Variants in PCDHA1 observed in about 807,000 individuals in gnomAD.
PCDHA1 encodes the protein protocadherin alpha 1.
A neutral mutation model predicts 61.3 loss-of-function variants in PCDHA1; 42 were observed. The ratio of observed to expected loss-of-function variants is 0.69; its 90% confidence interval spans 0.54 to 0.89. The LOEUF (loss-of-function observed/expected upper bound fraction) is 0.89. PCDHA1 is among the 40% of genes least tolerant of loss of function. PCDHA1 has a pLI of 0.00. For missense variants in PCDHA1, 1,256 were observed against 1,235.3 expected (o/e 1.02, Z -0.25); for synonymous variants, 610 against 553.8 (o/e 1.10, Z -1.43).
At chr5:140,892,623 C>T (rs2153438758) in intron 1 of PCDHA1, among the ~76,000 whole-genome samples, 1 of 152,114 alleles carries the variant, frequency 6.6e-6, no homozygotes, top group East Asian at 1.9e-4. Flanking sequence ...CCAGTTGGTA[C>T]ATAATAATTG....
chr5:140,797,446 A>T (rs183641281), intron 1 of PCDHA1: 1 of 1,337,564 alleles, frequency 7.5e-7, no homozygotes, highest in Non-Finnish European at 1.0e-6. Context: ...ATAGTTCTTC[A>T]TTTATTTTAT....
At chr5:140,839,689 T>C (rs1776365065) in intron 1 of PCDHA1, among the ~76,000 whole-genome samples, 1 of 152,086 alleles carries the variant, frequency 6.6e-6, no homozygotes, top group East Asian at 1.9e-4. Context: ...GAGATTTTTT[T>C]GGGTAAATAA....
At chr5:140,820,068 T>C (rs1554127785) in intron 1 of PCDHA1, among the ~76,000 whole-genome samples, 1 of 152,036 alleles carries the variant, frequency 6.6e-6, no homozygotes, top group African/African-American at 2.4e-5. Context: ...GTGGCTAACA[T>C]CAGCTAATGC....
chr5:140,978,989 T>G lies in PCDHA1; in HGVS notation c.2435T>G (p.Leu812Arg). 1 of 1,614,212 alleles carries G rather than the reference T, an allele frequency of 6.2e-7. No individual in the cohort carries two copies. Among genetic ancestry groups the G allele is most frequent in the Non-Finnish European group, 8.5e-7 (1 of 1,180,034 alleles). Residue 812 changes from leucine to arginine, a missense_variant, in exon 2 of 4, where the codon CTG (leucine) becomes CGG (arginine). Transcript: ENST00000504120. Reference protein sequence around the residue: ...PNPDWRYSASLRAGMHSSVHL... With the variant: ...PNPDWRYSASRRAGMHSSVHL... ...CCTGACTGGCGTTACTCTGCCTCCC[T>G]GAGAGCAGGCATGCACAGGTATGTA...
chr5:140,860,639 G>A (rs2046488038), intron 1 of PCDHA1: 1 of 152,224 alleles, frequency 6.6e-6, no homozygotes, highest in Non-Finnish European at 1.5e-5. Flanking sequence ...AATCAGGAAC[G>A]AAGAAGATAA....
At chr5:140,791,721 A>C (rs1485268149) in intron 1 of PCDHA1, among the ~76,000 whole-genome samples, 1 of 152,220 alleles carries the variant, frequency 6.6e-6, no homozygotes, top group Non-Finnish European at 1.5e-5. Flanking sequence ...TCTTTTTCTT[A>C]AATATAAAAG....
chr5:140,794,067 A>G (rs1255298425), intron 1 of PCDHA1, among the ~76,000 whole-genome samples: 1 of 152,232 alleles, frequency 6.6e-6, no homozygotes, highest in Non-Finnish European at 1.5e-5. Flanking sequence ...ATGCACACCC[A>G]TGTTCATGGC....
At chr5:141,005,868 G>T (rs1428789229) in intron 3 of PCDHA1, among the ~76,000 whole-genome samples, 1 of 152,078 alleles carries the variant, frequency 6.6e-6, no homozygotes, top group African/African-American at 2.4e-5. Flanking sequence ...GGTCGATTGA[G>T]TCCAGGAGTT....
In PCDHA1 at chr5:140,787,926, G is replaced by A; in HGVS notation, c.1636G>A (p.Gly546Ser). ...SARDAGVPPL[G>S]SNVTLQVFVL... ...GCGGGATGCGGGCGTGCCGCCTCTG[G>A]GCAGCAACGTGACGCTGCAGGTGTT... is the stretch of plus-strand genomic sequence containing the variant. Residue 546 changes from glycine (G) to serine (S), a missense_variant, in exon 1 of 4, where the codon GGC becomes AGC. Gly to Ser is a moderately conservative substitution (Grantham distance 56). Transcript: ENST00000504120. 2 of 1,613,804 alleles carry A rather than the reference G, an allele frequency of 1.2e-6. No homozygotes were observed. Among genetic ancestry groups the A allele is most frequent in the Admixed American group, 1.7e-5 (1 of 60,012 alleles).
At chr5:140,876,015 A>G (rs1479938988) in intron 1 of PCDHA1, 3 of 1,613,662 alleles carry the variant, frequency 1.9e-6, no homozygotes, top group Non-Finnish European at 2.5e-6. Flanking sequence ...TTGAGCTTAA[A>G]ATAAAAACAA....
At chr5:140,932,323 C>T (rs1259103502) in intron 1 of PCDHA1, among the ~76,000 whole-genome samples, 1 of 151,814 alleles carries the variant, frequency 6.6e-6, no homozygotes, top group Non-Finnish European at 1.5e-5. Flanking sequence ...ATTAATGTAG[C>T]AAAAATGCAT....
rs2150468826 is a variant in PCDHA1, at chr5:140,850,123, C to G, written c.2394+61439C>G. ...GTGAGCGCGCGCGACGCGGGCGTGCCGCCTCTGGGCAGCAACGTGACGCTG... is the reference window on the plus strand; with the variant it reads ...GTGAGCGCGCGCGACGCGGGCGTGCGGCCTCTGGGCAGCAACGTGACGCTG... On this transcript the variant is annotated intron_variant, in intron 1 of 3. Coordinates refer to ENST00000504120, the MANE Select transcript of PCDHA1 (RefSeq NM_018900.4). The G allele has an allele frequency of 1.3e-5, 21 of 1,595,804 alleles. 4 individuals carry two copies. The highest frequency in any genetic ancestry group is 2.7e-5 in the African/African-American group (2 of 74,358).
At chr5:140,910,116 A>C (rs1205054200) in intron 1 of PCDHA1, among the ~76,000 whole-genome samples, 1 of 152,222 alleles carries the variant, frequency 6.6e-6, no homozygotes, top group Non-Finnish European at 1.5e-5. Flanking sequence ...AAGGGATTCT[A>C]GGTCTGTAAA....
intron 1 of PCDHA1, among the ~76,000 whole-genome samples, chr5:140,903,538 C>G (rs562932214): frequency 7.9e-5 from 12 of 152,208 alleles, no homozygotes; most frequent in African/African-American, 2.6e-4. Context: ...TAAACTAGAG[C>G]AAGAAACTTT....
chr5:140,794,946 A>G (rs371839761), intron 1 of PCDHA1: 1 of 1,590,330 alleles, frequency 6.3e-7, no homozygotes, highest in Non-Finnish European at 8.5e-7. Context: ...TAATTTGATC[A>G]AAACATTGAG....
rs149656802 is a variant in PCDHA1, at chr5:141,008,452, C to T, written c.2543-1175C>T. ...TTTGCCCAGACAGACCATTACCCTTCCTCTCCAGCTCTGACTTCTACTCTT... is the reference window on the plus strand; with the variant it reads ...TTTGCCCAGACAGACCATTACCCTTTCTCTCCAGCTCTGACTTCTACTCTT... On this transcript the variant is annotated intron_variant, in intron 3 of 3. Coordinates refer to ENST00000504120, the MANE Select transcript of PCDHA1 (RefSeq NM_018900.4). Among the ~76,000 whole-genome samples, 286 of 152,284 alleles carry T rather than the reference C, an allele frequency of 1.9e-3. 2 individuals carry two copies. Among genetic ancestry groups the T allele is most frequent in the African/African-American group, 6.5e-3 (272 of 41,548 alleles).
chr5:141,005,990 A>G (rs1375805001), intron 3 of PCDHA1, among the ~76,000 whole-genome samples: 6 of 151,998 alleles, frequency 3.9e-5, no homozygotes, highest in Admixed American at 3.9e-4. Flanking sequence ...GTGTTTGAGG[A>G]TCTGAAAGAA....
intron 1 of PCDHA1, chr5:140,796,135 C>G: frequency 6.2e-7 from 1 of 1,614,222 alleles, no homozygotes; most frequent in Non-Finnish European, 8.5e-7. Flanking sequence ...CTCCCTGACG[C>G]CCCACGTCCC....
At chr5:140,931,183 T>C (rs1225985669) in intron 1 of PCDHA1, among the ~76,000 whole-genome samples, 2 of 152,158 alleles carry the variant, frequency 1.3e-5, no homozygotes, top group Non-Finnish European at 2.9e-5. Context: ...GGGAAGGAAA[T>C]TGGTGCACTA....
Sources: allele counts gnomAD v4.1 joint callset (sites outside exome capture counted in the v4.1 genomes callset), GRCh38; gene constraint gnomAD v4.1.1; transcripts MANE v1.5; gene names NCBI Gene and HGNC (gene_info 2026-07-23, HGNC 2026-07-21).